PKLR: variants seen among roughly 807,000 people sequenced by gnomAD.
PKLR encodes the protein pyruvate kinase L/R.
Under a neutral mutation model 53.6 loss-of-function variants are expected in PKLR, and 38 were observed. The observed-to-expected ratio is 0.71, with a 90% CI of 0.55 to 0.93. The LOEUF (loss-of-function observed/expected upper bound fraction) is 0.93. Ranked by LOEUF, PKLR falls within the 40% of genes least tolerant of loss-of-function variation. The probability of loss-of-function intolerance (pLI) is 0.00; values close to 1 mark genes in which losing one functional copy is unlikely to be tolerated. For synonymous variants in PKLR, 328 were observed against 316.2 expected (o/e 1.04, Z -0.39); for missense variants, 702 against 787.3 (o/e 0.89, Z 1.30).
rs8177971 is a variant in PKLR at position 155,295,655 on chromosome 1, C to A, written c.375+10G>T. 28,834 of 1,614,056 alleles carry A rather than the reference C, an allele frequency of 0.018. 303 individuals are homozygous for A. Among genetic ancestry groups the A allele is most frequent in the Non-Finnish European group, 0.021 (25,245 of 1,179,974 alleles). ...CTGCCCCACCCACTGCCCGGCGGCC[C>A]GTCCCGCACCTCGTGGGAGCCGTGG... On this transcript the variant is annotated intron_variant, in intron 3 of 10. Transcript: ENST00000342741. The surrounding 1 kb of genome is among the most constrained non-coding windows in gnomAD (Gnocchi z 4.3).
upstream of PKLR, among the ~76,000 whole-genome samples, chr1:155,303,313 G>T (rs575754992): frequency 5.9e-5 from 9 of 152,288 alleles, no homozygotes; most frequent in South Asian, 1.7e-3. Flanking sequence ...GATACTAACT[G>T]GTGGGATTCT....
chr1:155,291,787 T>G lies in PKLR; in HGVS notation c.1587A>C (p.Val529=). ...EPPEAIWADD[V]DRRVQFGIES... ...CAATGCCAAATTGCACCCGGCGATCTACATCATCTGCCCAGATGGCTTCTG... is the reference window on the plus strand; with the variant it reads ...CAATGCCAAATTGCACCCGGCGATCGACATCATCTGCCCAGATGGCTTCTG... Residue 529 remains valine (V), a synonymous_variant, in exon 10 of 11, where the codon GTA becomes GTC. Transcript: ENST00000342741. 1 of 1,614,094 alleles carries G rather than the reference T, an allele frequency of 6.2e-7. No homozygotes were observed. The highest frequency in any genetic ancestry group is 8.5e-7 in the Non-Finnish European group (1 of 1,180,002).
chr1:155,300,707 C>T (rs1428474951), intron 1 of PKLR, among the ~76,000 whole-genome samples: 1 of 152,084 alleles, frequency 6.6e-6, no homozygotes. Flanking sequence ...GACCCAGAAT[C>T]ACCCAGTTCC....
At position 155,299,035 on chromosome 1, in the gene PKLR, T is replaced by TTTCTTTC. The variant is rs1553231361; in HGVS notation, c.283+1062_283+1063insGAAAGAA. The stretch of plus-strand genomic sequence containing the variant: ...CTTTCTTTCTTTCTTTCTTTCTTTC[T>TTTCTTTC]CTTTCTTTCTTTCTTTCCTTCCTTC... On this transcript the variant is annotated intron_variant, in intron 2 of 10. Coordinates refer to ENST00000342741, the MANE Select transcript of PKLR (RefSeq NM_000298.6). Among the ~76,000 whole-genome samples the TTTCTTTC allele has an allele frequency of 6.5e-4, 33 of 50,442 alleles. 1 individual carries two copies. Among genetic ancestry groups the TTTCTTTC allele is most frequent in the Non-Finnish European group, 9.5e-4 (29 of 30,458 alleles). 33.1% of individuals were successfully genotyped at this position (50,442 alleles called of 152,430 possible).
rs1647240305 is a variant in PKLR at position 155,291,886 on chromosome 1, G to A, written c.1488C>T (p.Val496=). ...GGCGGGCAGCCTGGGCAGAGCGGGT[G>A]ACAGCAATGACTGCTGCCCGAGGTC... ...RYRPRAAVIA[V]TRSAQAARQV... Residue 496 remains valine, a synonymous_variant, in exon 10 of 11, where the codon GTC becomes GTT. Coordinates refer to ENST00000342741, the MANE Select transcript of PKLR (RefSeq NM_000298.6). 2 of 1,613,962 alleles carry A rather than the reference G, an allele frequency of 1.2e-6. No individual in the cohort carries two copies. The highest frequency in any genetic ancestry group is 8.5e-7 in the Non-Finnish European group (1 of 1,180,018).
In PKLR at chr1:155,294,540, G is replaced by C. The variant is rs201979697; in HGVS notation, c.907C>G (p.Pro303Ala). The C allele has an allele frequency of 1.1e-5, 18 of 1,614,210 alleles. No individual in the cohort carries two copies. In the East Asian group the frequency reaches 3.3e-4, roughly 30 times the overall value. The change falls in exon 6 of 11, where the codon CCG becomes GCG. Residue 303 changes from proline to alanine, a missense_variant. Physicochemically the swap from Pro to Ala is conservative, Grantham distance 27. Transcript: ENST00000342741. ...DVAAVRAALG[P>A]EGHGIKIISK... ...ATGATCTTGATGCCGTGTCCTTCCG[G>C]ACCCAGAGCAGCCCTGACGGCAGCC... is the stretch of plus-strand genomic sequence containing the variant.
At chr1:155,307,830 A>G in the PKLR span, among the ~76,000 whole-genome samples, 1 of 152,114 alleles carries the variant, frequency 6.6e-6, no homozygotes, top group Non-Finnish European at 1.5e-5. Flanking sequence ...CACAAAAATT[A>G]GCTGGGCATG....
intron 2 of PKLR, among the ~76,000 whole-genome samples, chr1:155,298,815 G>T (rs971744428): frequency 6.7e-6 from 1 of 149,760 alleles, no homozygotes; most frequent in Non-Finnish European, 1.5e-5. Flanking sequence ...CTAATTTTTT[G>T]TATTTTTAGT....
chr1:155,302,222 TTTTTC>T (rs1169677819), upstream of PKLR, among the ~76,000 whole-genome samples: 10 of 148,190 alleles, frequency 6.7e-5, no homozygotes, highest in African/African-American at 1.0e-4. Context: ...TTGTTTTTCT[TTTTTC>T]TTTTCTTTTC....
chr1:155,301,508 G>T, upstream of PKLR: 1 of 1,409,228 alleles, frequency 7.1e-7, no homozygotes, highest in Non-Finnish European at 9.9e-7. Flanking sequence ...CACCCAGTAG[G>T]CCACCCTGTC....
chr1:155,293,136 G>T lies in PKLR; in HGVS notation c.1436+41C>A. ...CTGGGGCCCGTCCCAGCCCACCCCT[G>T]ACCCAAAGCTCCATCTGGACATTCC... On this transcript the variant is annotated intron_variant, in intron 9 of 10. Transcript: ENST00000342741. The surrounding 1 kb of genome is among the most constrained non-coding windows in gnomAD (Gnocchi z 4.2). 1.3e-6 allele frequency: 2 copies of T among 1,569,800 alleles called. No individual in the cohort carries two copies. The highest frequency in any genetic ancestry group is 1.8e-6 in the Non-Finnish European group (2 of 1,140,558).
intron 2 of PKLR, 29 bp downstream of exon 2, chr1:155,300,069 T>C: frequency 6.3e-7 from 1 of 1,599,298 alleles, no homozygotes; most frequent in Non-Finnish European, 8.6e-7. Context: ...ATAGGCCCTG[T>C]GTGGCTGCAG....
At chr1:155,299,868 T>C (rs538218381) in intron 2 of PKLR, among the ~76,000 whole-genome samples, 1 of 152,328 alleles carries the variant, frequency 6.6e-6, no homozygotes, top group South Asian at 2.1e-4. Flanking sequence ...TACTATTTAT[T>C]GTCATACTCA....
chr1:155,294,124 C>T, intron 7 of PKLR, 111 bp downstream of exon 7: 1 of 1,253,358 alleles, frequency 8.0e-7, no homozygotes, highest in Non-Finnish European at 1.2e-6. Context: ...CAGAGTGAGA[C>T]TCCGTCTCAA....
rs41264939 is a variant in PKLR, at chr1:155,289,679, A to C, written c.*893T>G. The C allele has an allele frequency of 6.0e-3, 917 of 152,270 alleles. 6 individuals are homozygous for C. The highest frequency in any genetic ancestry group is 7.6e-3 in the Non-Finnish European group (518 of 68,058). 9.4% of individuals were successfully genotyped at this position (152,270 alleles called of 1,614,324 possible). A position where few individuals can be genotyped will look rare whatever the true frequency, so the allele number is the denominator to read the frequency against. The stretch of plus-strand genomic sequence containing the variant: ...TCAGGGACAAGAGTAGTCCTTTACC[A>C]CCCTCACTCTGCCTGTCCCCTCTCC... On this transcript the variant is annotated 3_prime_UTR_variant, in exon 11 of 11. Coordinates refer to ENST00000342741, the MANE Select transcript of PKLR (RefSeq NM_000298.6).
In PKLR at chr1:155,291,766, G is replaced by A. The variant is rs757065547; in HGVS notation, c.1608C>T (p.Gly536=). The change falls in exon 10 of 11, where the codon GGC becomes GGT. Residue 536 remains glycine (G), a synonymous_variant. Transcript: ENST00000342741. ...ADDVDRRVQF[G]IESGKLRGFL... ...GTCTAGGTAGCTCACCACTTTCAAT[G>A]CCAAATTGCACCCGGCGATCTACAT... The A allele has an allele frequency of 1.9e-6, 3 of 1,613,854 alleles. No homozygotes were observed. In the East Asian group the frequency reaches 6.7e-5, roughly 36 times the overall value.
At position 155,295,882 on chromosome 1, in the gene PKLR, G is replaced by T; in HGVS notation, c.284-126C>A. On this transcript the variant is annotated intron_variant, in intron 2 of 10. Coordinates refer to ENST00000342741, the MANE Select transcript of PKLR (RefSeq NM_000298.6). This position sits in a 1 kb window ranked among gnomAD's most constrained non-coding sequence, Gnocchi z 4.3. ...TCCTGTTACCTGATCTTTATTCCCTGATGCAACCCCTGCCCACAGATCACA... is the reference window on the plus strand; with the variant it reads ...TCCTGTTACCTGATCTTTATTCCCTTATGCAACCCCTGCCCACAGATCACA... 1 of 779,210 alleles carries T rather than the reference G, an allele frequency of 1.3e-6. No individual in the cohort carries two copies. Among genetic ancestry groups the T allele is most frequent in the South Asian group, 1.4e-5 (1 of 69,910 alleles). The allele number at this position is 779,210 out of a possible 1,614,324, so 48.3% of individuals were successfully genotyped here.
At chr1:155,290,729 C>T (rs748392621) in intron 10 of PKLR, 51 bp from the exon 11 acceptor site, 5 of 1,123,378 alleles carry the variant, frequency 4.5e-6, no homozygotes, top group Non-Finnish European at 5.4e-6. Flanking sequence ...TGGCTCACAC[C>T]TGTAATCCCA....
At chr1:155,300,993 G>A (rs1647964698) in intron 1 of PKLR, 1 of 1,555,710 alleles carries the variant, frequency 6.4e-7, no homozygotes, top group Non-Finnish European at 8.7e-7. Flanking sequence ...TCTGCAGACT[G>A]GTTAAAGTGT....
Sources: gnomAD v4.1 joint callset for allele counts (sites outside exome capture counted in the v4.1 genomes callset) on GRCh38, gnomAD v4.1.1 for gene constraint, Gnocchi (gnomAD v3.1) non-coding constraint, MANE v1.5 for transcripts, NCBI Gene and HGNC (gene_info 2026-07-23, HGNC 2026-07-21) for gene names.